RNF212: variants seen among roughly 807,000 people sequenced by gnomAD.
RNF212 encodes ring finger protein 212.
A neutral mutation model predicts 34.7 loss-of-function variants in RNF212; 33 were observed. The ratio of observed to expected loss-of-function variants is 0.95; its 90% CI spans 0.72 to 1.27. RNF212 has a LOEUF of 1.27. Among genes scored for constraint, RNF212 ranks in the 50% most tolerant of loss-of-function variants. RNF212 has a pLI of 0.00. For missense variants in RNF212, 377 were observed against 362.2 expected (o/e 1.04, Z -0.33); for synonymous variants, 140 against 136.1 (o/e 1.03, Z -0.20).
chr4:1,083,663 C>CAAAT lies in RNF212; in HGVS notation c.363-2045_363-2044insATTT, dbSNP rs577854995. 1.6e-3 allele frequency among the ~76,000 whole-genome samples: 245 copies of CAAAT among 151,982 alleles called. 1 individual carries two copies. The highest frequency in any genetic ancestry group is 5.6e-3 in the African/African-American group (231 of 41,430). ...AAAAACAAACAAACAAACAAACAAA[C>CAAAT]AAACAAACAAACTCAGTGGGGTTCA... On this transcript the variant is annotated intron_variant, in intron 5 of 9. Coordinates refer to ENST00000433731, the MANE Select transcript of RNF212 (RefSeq NM_001131034.4).
At chr4:1,094,463 A>G (rs1449195388) in intron 3 of RNF212, among the ~76,000 whole-genome samples, 2 of 152,134 alleles carry the variant, frequency 1.3e-5, no homozygotes, top group African/African-American at 4.8e-5. Context: ...TCAGGAAGAA[A>G]CAGGTAGAGA....
intron 8 of RNF212, among the ~76,000 whole-genome samples, chr4:1,077,781 G>T (rs1173267633): frequency 2.6e-5 from 4 of 152,214 alleles, no homozygotes; most frequent in Non-Finnish European, 5.9e-5. Context: ...AGAGCTTCCA[G>T]CAGGGCCTGA....
rs1718803543 is a variant in RNF212, at chr4:1,073,719, T to A, written c.511-57A>T. ...ATTCCAATATTGCGGCTTACGAGAT[T>A]CGGACTCCCACTGTCTGTTAGGAAC... On this transcript the variant is annotated intron_variant, in intron 8 of 9. Coordinates refer to ENST00000433731, the MANE Select transcript of RNF212 (RefSeq NM_001131034.4). 7.0e-6 allele frequency: 8 copies of A among 1,148,656 alleles called. No individual in the cohort carries two copies. The Admixed American group carries it at 1.2e-4, about 17-fold the overall frequency. 71.2% of individuals were successfully genotyped at this position (1,148,656 alleles called of 1,614,324 possible).
intron 3 of RNF212, among the ~76,000 whole-genome samples, chr4:1,091,294 C>T (rs1388781037): frequency 1.3e-5 from 2 of 152,224 alleles, no homozygotes; most frequent in African/African-American, 4.8e-5. Flanking sequence ...CCATGCCTGA[C>T]ACCAGCACCC....
intron 2 of RNF212, chr4:1,100,158 G>A (rs1723738543): frequency 3.0e-6 from 1 of 329,712 alleles, no homozygotes; most frequent in Non-Finnish European, 6.0e-6. Flanking sequence ...TGCCTGTGTG[G>A]ACTTTGCACG....
intron 1 of RNF212, among the ~76,000 whole-genome samples, chr4:1,108,980 C>G (rs1725243224): frequency 1.3e-5 from 2 of 150,688 alleles, no homozygotes; most frequent in Admixed American, 1.3e-4. Context: ...GGATTGTAGG[C>G]GTGAGCCACT....
chr4:1,057,659 G>C (rs1468699679), intron 4 of RNF212, among the ~76,000 whole-genome samples: 2 of 152,160 alleles, frequency 1.3e-5, no homozygotes, highest in Non-Finnish European at 2.9e-5. Flanking sequence ...TATAGAAGAC[G>C]CCTGCTGACC....
chr4:1,062,654 C>T (rs1268717967), intron 3 of RNF212, among the ~76,000 whole-genome samples: 4 of 151,864 alleles, frequency 2.6e-5, no homozygotes, highest in South Asian at 2.1e-4. Context: ...CCAGAGAGGG[C>T]GGTTAGGCGA....
intron 8 of RNF212, among the ~76,000 whole-genome samples, chr4:1,078,454 C>T (rs369241654): frequency 1.6e-4 from 24 of 152,316 alleles, no homozygotes; most frequent in East Asian, 3.9e-4. Context: ...ACGGGAGAGC[C>T]GGGCCTGGAC....
chr4:1,094,326 G>A (rs778593121), intron 3 of RNF212, among the ~76,000 whole-genome samples: 13 of 152,190 alleles, frequency 8.5e-5, no homozygotes, highest in Non-Finnish European at 1.9e-4. Flanking sequence ...GCAGCTGTCC[G>A]GTGACATCCA....
At chr4:1,082,965 CA>C (rs1720591630) in intron 5 of RNF212, among the ~76,000 whole-genome samples, 1 of 152,138 alleles carries the variant, frequency 6.6e-6, no homozygotes, top group Admixed American at 6.5e-5. Flanking sequence ...ACAATGACAA[CA>C]AAAGTGGGTG....
intron 8 of RNF212, among the ~76,000 whole-genome samples, chr4:1,077,472 A>T (rs537298370): frequency 6.6e-6 from 1 of 152,070 alleles, no homozygotes; most frequent in Non-Finnish European, 1.5e-5. Context: ...GGCTCAAGTG[A>T]TCCACCTGCC....
intron 2 of RNF212, chr4:1,099,643 C>T (rs1256590309): frequency 3.0e-5 from 13 of 429,392 alleles, no homozygotes; most frequent in Admixed American, 1.5e-4. Flanking sequence ...GTTTTCTTTT[C>T]GTATTTAATT....
chr4:1,083,945 AT>A (rs376424627), intron 5 of RNF212, among the ~76,000 whole-genome samples: 6,256 of 134,598 alleles, frequency 0.046, 300 homozygotes, highest in African/African-American at 0.13. Context: ...CATTTTGTGC[AT>A]TTTTTTTTTT....
At chr4:1,075,702 G>A (rs1240969949) in intron 8 of RNF212, among the ~76,000 whole-genome samples, 1 of 152,210 alleles carries the variant, frequency 6.6e-6, no homozygotes, top group Non-Finnish European at 1.5e-5. Context: ...TTGAGACAAG[G>A]TTTCACTGTC....
rs150956544 is a variant in RNF212, at chr4:1,106,178, A to G, written c.171+2165T>C. Among the ~76,000 whole-genome samples the G allele has an allele frequency of 5.2e-3, 789 of 152,224 alleles. 6 individuals are homozygous for G. The highest frequency in any genetic ancestry group is 7.6e-3 in the Non-Finnish European group (520 of 68,012). On this transcript the variant is annotated intron_variant, in intron 2 of 9. Coordinates refer to ENST00000433731, the MANE Select transcript of RNF212 (RefSeq NM_001131034.4). ...ATTCGGAAGACACTGCGGAAGAAAG[A>G]GCCCACACGGTCTGTGATGGTTTAG...
At chr4:1,082,793 A>G (rs1217423122) in intron 5 of RNF212, among the ~76,000 whole-genome samples, 1 of 152,210 alleles carries the variant, frequency 6.6e-6, no homozygotes, top group East Asian at 1.9e-4. Flanking sequence ...GGTGCTCAGT[A>G]AACACTGGCT....
chr4:1,106,674 C>G (rs1390420786), intron 2 of RNF212, among the ~76,000 whole-genome samples: 1 of 152,198 alleles, frequency 6.6e-6, no homozygotes, highest in Non-Finnish European at 1.5e-5. Context: ...TCCACTCAAG[C>G]TAGAGAAAGG....
intron 5 of RNF212, chr4:1,085,651 A>C: frequency 1.8e-6 from 1 of 551,686 alleles, no homozygotes; most frequent in Non-Finnish European, 3.2e-6. Context: ...TGCCTCAGCA[A>C]TCACTGGGGC....
Sources: gnomAD v4.1 joint callset for allele counts (sites outside exome capture counted in the v4.1 genomes callset) on GRCh38, gnomAD v4.1.1 for gene constraint, MANE v1.5 for transcripts, NCBI Gene and HGNC (gene_info 2026-07-23, HGNC 2026-07-21) for gene names.